FBLN2: variants seen among roughly 807,000 people sequenced by gnomAD.
The protein encoded by FBLN2 is fibulin 2.
Under a neutral mutation model 123.7 loss-of-function variants are expected in FBLN2, and 81 were observed. The observed-to-expected ratio is 0.65, with a 90% CI of 0.55 to 0.79. The LOEUF (loss-of-function observed/expected upper bound fraction) is 0.79. Ranked by LOEUF, FBLN2 falls within the 30% of genes least tolerant of loss-of-function variation. The pLI is 0.00. For missense variants in FBLN2, 1,603 were observed against 1,681.3 expected, an observed-to-expected ratio of 0.95 and a Z score of 0.81; for synonymous variants, 699 against 701.4, an observed-to-expected ratio of 1.00 and a Z score of 0.05.
chr3:13,636,432 T>C lies in FBLN2; in HGVS notation c.3215-13T>C. ...GCTGTGGGGACCCTGCCATTGCCCC[T>C]CTTCTCCCCCAGACGTGGATGAGTG... On this transcript the variant is annotated splice_polypyrimidine_tract_variant and intron_variant, in intron 16 of 17. Coordinates refer to ENST00000404922, the MANE Select transcript of FBLN2 (RefSeq NM_001004019.2). The C allele has an allele frequency of 1.2e-6, 2 of 1,613,008 alleles. No individual in the cohort carries two copies. Among genetic ancestry groups the C allele is most frequent in the South Asian group, 2.2e-5 (2 of 90,874 alleles).
rs1470845671 is a variant in FBLN2 at position 13,636,510 on chromosome 3, G to T, written c.3280G>T (p.Gly1094Cys). ...GGCTGAGACCTGCCACAACATCCAG[G>T]GTAGCTTCCGCTGCCTGCGCTTCGA... is the stretch of plus-strand genomic sequence containing the variant. ...SEAETCHNIQGSFRCLRFECP... is the reference protein window; with the variant it reads ...SEAETCHNIQCSFRCLRFECP... The change falls in exon 17 of 18, where the codon GGT becomes TGT. Residue 1094 changes from glycine to cysteine, a missense_variant. Physicochemically the swap from Gly to Cys is radical, Grantham distance 159. Transcript: ENST00000404922. The T allele has an allele frequency of 6.2e-7, 1 of 1,613,834 alleles. No individual in the cohort carries two copies. The highest frequency in any genetic ancestry group is 1.1e-5 in the South Asian group (1 of 91,024).
At chr3:13,625,599 C>T (rs934703201) in intron 9 of FBLN2, among the ~76,000 whole-genome samples, 6 of 152,104 alleles carry the variant, frequency 3.9e-5, no homozygotes, top group Non-Finnish European at 5.9e-5. Flanking sequence ...GCTGCTTGGC[C>T]AGAAGCTCTG....
chr3:13,638,274 C>A lies in FBLN2; in HGVS notation c.*355C>A. 1 of 502,982 alleles carries A rather than the reference C, an allele frequency of 2.0e-6. No individual in the cohort carries two copies. Among genetic ancestry groups the A allele is most frequent in the Non-Finnish European group, 3.7e-6 (1 of 272,736 alleles). 31.2% of individuals were successfully genotyped at this position (502,982 alleles called of 1,614,324 possible). A position where few individuals can be genotyped will look rare whatever the true frequency, so the allele number is the denominator to read the frequency against. On this transcript the variant is annotated 3_prime_UTR_variant, in exon 18 of 18. Coordinates refer to ENST00000404922, the MANE Select transcript of FBLN2 (RefSeq NM_001004019.2). Reference sequence around the variant, plus strand: ...AAAGTTGACATTCCATTTCATGTTCCACTGTGATTAATTCTTTTCTTTTTT... The same window carrying A: ...AAAGTTGACATTCCATTTCATGTTCAACTGTGATTAATTCTTTTCTTTTTT...
chr3:13,625,949 G>A (rs924895765), intron 9 of FBLN2, among the ~76,000 whole-genome samples: 1 of 151,626 alleles, frequency 6.6e-6, no homozygotes, highest in Admixed American at 6.6e-5. Flanking sequence ...TTACATCCCT[G>A]ACGCCTCTGC....
At chr3:13,624,871 G>T (rs1448404498) in intron 9 of FBLN2, among the ~76,000 whole-genome samples, 9 of 152,302 alleles carry the variant, frequency 5.9e-5, no homozygotes, top group African/African-American at 2.2e-4. Context: ...CCAGGAGGGG[G>T]TAGATGGGTC....
intron 2 of FBLN2, among the ~76,000 whole-genome samples, chr3:13,576,648 G>A (rs1704152896): frequency 6.6e-6 from 1 of 152,122 alleles, no homozygotes; most frequent in Non-Finnish European, 1.5e-5. Flanking sequence ...AGGGGAGAGA[G>A]GTCGGAATGC....
chr3:13,605,018 T>A (rs931437954), intron 2 of FBLN2, among the ~76,000 whole-genome samples: 1 of 152,328 alleles, frequency 6.6e-6, no homozygotes, highest in Middle Eastern at 3.4e-3. Flanking sequence ...AGCCATTCAG[T>A]CCTCATACAG....
At chr3:13,610,981 C>A (rs1047544001) in intron 4 of FBLN2, among the ~76,000 whole-genome samples, 2 of 151,894 alleles carry the variant, frequency 1.3e-5, no homozygotes, top group African/African-American at 2.4e-5. Flanking sequence ...GATCTCGTCT[C>A]ACTGCAACTC....
intron 12 of FBLN2, 36 bp from the exon 13 acceptor site, chr3:13,629,128 C>T: frequency 2.5e-6 from 4 of 1,612,676 alleles, no homozygotes; most frequent in Non-Finnish European, 2.5e-6. Context: ...GTGGAGGGAG[C>T]CCCAGGCCTC....
At chr3:13,612,603 G>A (rs1049411443) in intron 4 of FBLN2, among the ~76,000 whole-genome samples, 3 of 138,532 alleles carry the variant, frequency 2.2e-5, no homozygotes, top group East Asian at 1.9e-4. Flanking sequence ...GGATGGTCTC[G>A]ATCTCCTGAC....
At chr3:13,583,663 G>A (rs530683949) in intron 2 of FBLN2, among the ~76,000 whole-genome samples, 10 of 152,366 alleles carry the variant, frequency 6.6e-5, no homozygotes, top group South Asian at 2.1e-4. Flanking sequence ...GGTCTAGGCC[G>A]GTGGACCTGG....
chr3:13,589,155 G>A lies in FBLN2; in HGVS notation c.1306+17494G>A, dbSNP rs976506680. On this transcript the variant is annotated intron_variant, in intron 2 of 17. Transcript: ENST00000404922. The stretch of plus-strand genomic sequence containing the variant: ...AATTTCTGTGCTTCTCCTGAATCAG[G>A]GCAGGCCAGAGTTGTGCAAGATACT... Among the ~76,000 whole-genome samples the A allele has an allele frequency of 2.6e-5, 4 of 152,152 alleles. No individual in the cohort carries two copies. The East Asian group carries it at 7.7e-4, about 29-fold the overall frequency.
intron 2 of FBLN2, among the ~76,000 whole-genome samples, chr3:13,594,496 G>A (rs1704780192): frequency 6.6e-6 from 1 of 152,164 alleles, no homozygotes. Flanking sequence ...TTCCTGTCCT[G>A]GGGATTGGGG....
intron 2 of FBLN2, among the ~76,000 whole-genome samples, chr3:13,574,359 T>C (rs530993772): frequency 2.0e-5 from 3 of 152,188 alleles, no homozygotes; most frequent in Non-Finnish European, 4.4e-5. Context: ...AGGGCCGCCC[T>C]GCCCGAGGGT....
At chr3:13,617,614 TCCATCCAC>T (rs1559421327) in intron 5 of FBLN2, among the ~76,000 whole-genome samples, 3 of 105,716 alleles carry the variant, frequency 2.8e-5, no homozygotes, top group Non-Finnish European at 5.6e-5. Context: ...CATCCATCCA[TCCATCCAC>T]CCATCCACCC....
At position 13,571,642 on chromosome 3, in the gene FBLN2, C is replaced by T. The variant is rs776111742; in HGVS notation, c.1287C>T (p.Ile429=). 1.2e-6 allele frequency: 2 copies of T among 1,601,326 alleles called. No individual in the cohort carries two copies. Among genetic ancestry groups the T allele is most frequent in the South Asian group, 2.3e-5 (2 of 88,398 alleles). The change falls in exon 2 of 18, where the codon ATC becomes ATT. Residue 429 remains isoleucine (I), a synonymous_variant. Transcript: ENST00000404922. The part of the protein sequence containing the change: ...EDTDPNSVHS[I]PRSSPEGSTK... The stretch of plus-strand genomic sequence containing the variant: ...CAGACCCCAACTCTGTCCATTCTAT[C>T]CCCAGAAGTAGCCCTGAAGGTAAGA...
intron 2 of FBLN2, among the ~76,000 whole-genome samples, chr3:13,582,706 G>A (rs886735875): frequency 6.6e-6 from 1 of 152,214 alleles, no homozygotes; most frequent in Non-Finnish European, 1.5e-5. Context: ...ACAATGGGGC[G>A]GTCCTGTTAG....
intron 4 of FBLN2, 36 bp downstream of exon 4, chr3:13,609,678 GTGGGGC>G: frequency 6.5e-7 from 1 of 1,527,220 alleles, no homozygotes; most frequent in South Asian, 1.2e-5. Context: ...GCAGGGTGGG[GTGGGGC>G]GGGGCGGGAG....
Position 13,631,353 on chromosome 3 carries a change from C to T in FBLN2, c.3110C>T (p.Ala1037Val). ...GACATCGACGAGTGTGCTCAAGGCG[C>T]CGGCATCCTCTGCACCTTCCGCTGT... ...CTDIDECAQG[A>V]GILCTFRCLN... The change falls in exon 16 of 18, where the codon GCC (alanine) becomes GTC (valine). Residue 1037 changes from alanine to valine, a missense_variant. Ala to Val is a moderately conservative substitution (Grantham distance 64, BLOSUM62 0). Transcript: ENST00000404922. 1 of 1,603,072 alleles carries T rather than the reference C, an allele frequency of 6.2e-7. No individual in the cohort carries two copies. The highest frequency in any genetic ancestry group is 8.5e-7 in the Non-Finnish European group (1 of 1,175,336).
Sources: gnomAD v4.1 joint callset for allele counts (sites outside exome capture counted in the v4.1 genomes callset) on GRCh38, gnomAD v4.1.1 for gene constraint, MANE v1.5 for transcripts, NCBI Gene and HGNC (gene_info 2026-07-23, HGNC 2026-07-21) for gene names.